Variants in PRKAG1 observed in about 807,000 individuals in gnomAD.
PRKAG1 encodes the protein protein kinase AMP-activated non-catalytic subunit gamma 1, also known as 5'-AMP-activated protein kinase subunit gamma-1.
In PRKAG1, 27 loss-of-function variants were observed where a neutral mutation model predicts 48.2. The observed-to-expected ratio is 0.56, with a 90% CI of 0.41 to 0.77. The LOEUF is 0.77. Ranked by LOEUF, PRKAG1 falls within the 30% of genes least tolerant of loss-of-function variation. The probability of loss-of-function intolerance (pLI) is 0.00; values close to 1 mark genes in which losing one functional copy is unlikely to be tolerated. For missense variants in PRKAG1, 287 were observed against 398.3 expected (o/e 0.72, Z 2.38); for synonymous variants, 130 against 147.7 (o/e 0.88, Z 0.87).
chr12:49,004,782 A>G, intron 7 of PRKAG1, 149 bp from the exon 8 acceptor site: 2 of 1,353,318 alleles, frequency 1.5e-6, no homozygotes, highest in Non-Finnish European at 2.1e-6. Context: ...AGAGAGAGAG[A>G]GAGAGAGTGA....
intron 2 of PRKAG1, 90 bp downstream of exon 2, chr12:49,012,971 TC>T: frequency 7.4e-7 from 1 of 1,346,114 alleles, no homozygotes. Flanking sequence ...CTTTGATTTT[TC>T]CAGGGGAGAG....
rs187911920 is a variant in PRKAG1 at position 49,015,564 on chromosome 12, G to T, written c.10-2454C>A. On this transcript the variant is annotated intron_variant, in intron 1 of 11. Coordinates refer to ENST00000548065, the MANE Select transcript of PRKAG1 (RefSeq NM_002733.5). The stretch of plus-strand genomic sequence containing the variant: ...CAACATAAGAGAGTCAAACACAACT[G>T]CATATGTGACTTTTTTTTTGGGCGG... 8.5e-5 allele frequency among the ~76,000 whole-genome samples: 13 copies of T among 152,256 alleles called. No individual in the cohort carries two copies. In the East Asian group the frequency reaches 2.3e-3, roughly 27 times the overall value.
At position 49,003,312 on chromosome 12, in the gene PRKAG1, C is replaced by T. The variant is rs750547635; in HGVS notation, c.742-22G>A. 23 of 1,613,544 alleles carry T rather than the reference C, an allele frequency of 1.4e-5. No individual in the cohort carries two copies. The South Asian group carries it at 2.2e-4, about 15-fold the overall frequency. On this transcript the variant is annotated intron_variant, in intron 10 of 11. Coordinates refer to ENST00000548065, the MANE Select transcript of PRKAG1 (RefSeq NM_002733.5). ...GATTCTGGGGAGACAGAGGAAGGAGCTTGCAGGGAAGCAAGAGAGCCAGCC... is the reference window on the plus strand; with the variant it reads ...GATTCTGGGGAGACAGAGGAAGGAGTTTGCAGGGAAGCAAGAGAGCCAGCC...
rs957734934 is a variant in PRKAG1 at position 49,005,977 on chromosome 12, T to C, written c.59-125A>G. The C allele has an allele frequency of 2.3e-5, 16 of 702,218 alleles. No homozygotes were observed. In the African/African-American group the frequency reaches 2.7e-4, roughly 12 times the overall value. 43.5% of individuals were successfully genotyped at this position (702,218 alleles called of 1,614,324 possible). On this transcript the variant is annotated intron_variant, in intron 2 of 11. Transcript: ENST00000548065. This position sits in a 1 kb window ranked among gnomAD's most constrained non-coding sequence, Gnocchi z 4.1. ...AGCATTATTTTTTAATAAGACCCCT[T>C]ATTTTATCTGTCTTGTTCCTATTGT...
chr12:49,017,947 A>C (rs1942060852), intron 1 of PRKAG1: 2 of 152,384 alleles, frequency 1.3e-5, no homozygotes, highest in African/African-American at 4.8e-5. Flanking sequence ...ACACATGGTT[A>C]AAAACTGTGG....
intron 2 of PRKAG1, among the ~76,000 whole-genome samples, chr12:49,010,817 A>T: frequency 6.8e-6 from 1 of 146,894 alleles, no homozygotes; most frequent in African/African-American, 2.5e-5. Context: ...GTTTTAGGGG[A>T]GTTTTTGGGA....
chr12:49,015,783 G>A (rs576649368), intron 1 of PRKAG1, among the ~76,000 whole-genome samples: 2 of 151,608 alleles, frequency 1.3e-5, no homozygotes, highest in Admixed American at 1.3e-4. Flanking sequence ...TCACTATGTT[G>A]GCCAGGCTGG....
At chr12:49,014,154 G>A (rs1941875165) in intron 1 of PRKAG1, among the ~76,000 whole-genome samples, 1 of 152,148 alleles carries the variant, frequency 6.6e-6, no homozygotes, top group Non-Finnish European at 1.5e-5. Context: ...AAAGTGCTGG[G>A]ATTACAGGCA....
At chr12:49,004,052 G>T in intron 8 of PRKAG1, 130 bp from the exon 9 acceptor site, 1 of 1,253,322 alleles carries the variant, frequency 8.0e-7, no homozygotes, top group Non-Finnish European at 1.1e-6. Flanking sequence ...CACTTTGGGA[G>T]GCTGAGGGGG....
At chr12:49,017,868 A>C (rs1942056836) in intron 1 of PRKAG1, 1 of 152,304 alleles carries the variant, frequency 6.6e-6, no homozygotes, top group Admixed American at 6.5e-5. Context: ...GTGAACCTGC[A>C]GTCCTTTCGT....
intron 1 of PRKAG1, among the ~76,000 whole-genome samples, chr12:49,016,990 A>G (rs1236806124): frequency 5.3e-5 from 8 of 152,052 alleles, no homozygotes; most frequent in African/African-American, 1.9e-4. Flanking sequence ...TACATACCCC[A>G]ATTTCAGTGC....
chr12:49,005,959 T>A lies in PRKAG1; in HGVS notation c.59-107A>T. The A allele has an allele frequency of 1.2e-6, 1 of 815,886 alleles. No individual in the cohort carries two copies. The highest frequency in any genetic ancestry group is 1.9e-6 in the Non-Finnish European group (1 of 518,854). 50.5% of individuals were successfully genotyped at this position (815,886 alleles called of 1,614,324 possible). A position where few individuals can be genotyped will look rare whatever the true frequency, so the allele number is the denominator to read the frequency against. ...AGTATCTCAAATATTTAGAGCATTA[T>A]TTTTTAATAAGACCCCTTATTTTAT... On this transcript the variant is annotated intron_variant, in intron 2 of 11. Coordinates refer to ENST00000548065, the MANE Select transcript of PRKAG1 (RefSeq NM_002733.5). This position sits in a 1 kb window ranked among gnomAD's most constrained non-coding sequence, Gnocchi z 4.1.
chr12:49,009,716 G>T (rs1221770497), intron 2 of PRKAG1, among the ~76,000 whole-genome samples: 1 of 151,970 alleles, frequency 6.6e-6, no homozygotes, highest in Non-Finnish European at 1.5e-5. Context: ...GGGTTCAAGC[G>T]ATTCTCCTGT....
chr12:49,004,466 A>G, intron 8 of PRKAG1, 41 bp downstream of exon 8: 1 of 1,600,708 alleles, frequency 6.2e-7, no homozygotes, highest in Non-Finnish European at 8.6e-7. Context: ...CAATCAATCA[A>G]TGAAAAAAGA....
At chr12:49,014,691 T>G (rs759180572) in intron 1 of PRKAG1, among the ~76,000 whole-genome samples, 15 of 152,366 alleles carry the variant, frequency 9.8e-5, no homozygotes, top group Middle Eastern at 6.8e-3. Context: ...CTCAGCACCC[T>G]TGTGAGTCAA....
intron 1 of PRKAG1, among the ~76,000 whole-genome samples, chr12:49,013,687 G>T (rs1171775007): frequency 1.3e-5 from 2 of 152,116 alleles, no homozygotes; most frequent in African/African-American, 4.8e-5. Flanking sequence ...GGCTGATAAG[G>T]GGTGGAGTAG....
chr12:49,005,625 G>T lies in PRKAG1; in HGVS notation c.169-82C>A, dbSNP rs1941505643. The T allele has an allele frequency of 6.2e-7, 1 of 1,612,626 alleles. No individual in the cohort carries two copies. The highest frequency in any genetic ancestry group is 1.3e-5 in the African/African-American group (1 of 74,834). ...AAAAGAACAGTGTTTGGGCATGTTG[G>T]GTAAAACATGAGACTAACTTCACAG... On this transcript the variant is annotated intron_variant, in intron 3 of 11. Transcript: ENST00000548065. The surrounding 1 kb of genome is among the most constrained non-coding windows in gnomAD (Gnocchi z 4.1).
chr12:49,013,240 A>G, intron 1 of PRKAG1, 130 bp from the exon 2 acceptor site: 1 of 769,910 alleles, frequency 1.3e-6, no homozygotes, highest in African/African-American at 2.0e-5. Flanking sequence ...CCCCCGCCAA[A>G]CCCTTTTTTT....
At chr12:49,016,429 G>A (rs1002927542) in intron 1 of PRKAG1, among the ~76,000 whole-genome samples, 9 of 152,144 alleles carry the variant, frequency 5.9e-5, no homozygotes, top group Non-Finnish European at 1.2e-4. Flanking sequence ...GCTTGAATAC[G>A]AAACAAAACA....
Sources: allele counts gnomAD v4.1 joint callset (sites outside exome capture counted in the v4.1 genomes callset), GRCh38; gene constraint gnomAD v4.1.1; non-coding constraint Gnocchi (gnomAD v3.1); transcripts MANE v1.5; gene names NCBI Gene and HGNC (gene_info 2026-07-23, HGNC 2026-07-21).